Variants in PRKCA observed in about 807,000 individuals in gnomAD.
PRKCA encodes protein kinase C alpha type.
In PRKCA, 27 loss-of-function variants were observed where a neutral mutation model predicts 87.0. The observed-to-expected ratio is 0.31, with a 90% CI of 0.23 to 0.43. The LOEUF (loss-of-function observed/expected upper bound fraction) is 0.43. PRKCA is among the 20% of genes least tolerant of loss of function. The pLI, the probability that PRKCA is intolerant of heterozygous loss-of-function variation, is 1.00. For missense variants in PRKCA, 518 were observed against 852.3 expected (o/e 0.61, Z 4.88); for synonymous variants, 329 against 311.1 (o/e 1.06, Z -0.61).
At chr17:66,365,870 A>G (rs1356734839) in intron 2 of PRKCA, among the ~76,000 whole-genome samples, 2 of 152,208 alleles carry the variant, frequency 1.3e-5, no homozygotes, top group Admixed American at 6.5e-5. Flanking sequence ...CTTTGTTGTT[A>G]TGAATTGAGC....
At chr17:66,687,810 T>C (rs1972669862) in intron 6 of PRKCA, among the ~76,000 whole-genome samples, 1 of 152,004 alleles carries the variant, frequency 6.6e-6, no homozygotes, top group Admixed American at 6.6e-5. Flanking sequence ...AAGGAGGGAA[T>C]AAATAAATCA....
chr17:66,774,051 A>G lies in PRKCA; in HGVS notation c.1589A>G (p.Glu530Gly). Residue 530 changes from glutamate to glycine, a missense_variant, in exon 14 of 17, where the codon GAA (glutamate) becomes GGA (glycine). Coordinates refer to ENST00000413366, the MANE Select transcript of PRKCA (RefSeq NM_002737.3). ...TGGGCCTATGGCGTCCTGTTGTATG[A>G]AATGCTTGCCGGGCAGGTAATGTTT... The part of the protein sequence containing the change: ...DWWAYGVLLY[E>G]MLAGQPPFDG... 6.2e-7 allele frequency: 1 copy of G among 1,614,056 alleles called. No individual in the cohort carries two copies. Among genetic ancestry groups the G allele is most frequent in the Non-Finnish European group, 8.5e-7 (1 of 1,180,006 alleles).
chr17:66,475,007 G>A (rs181045088), intron 2 of PRKCA, among the ~76,000 whole-genome samples: 1 of 152,264 alleles, frequency 6.6e-6, no homozygotes, highest in Admixed American at 6.5e-5. Context: ...TGTTTCTGCA[G>A]GATTTCCATC....
chr17:66,545,595 G>A (rs1227693808), intron 3 of PRKCA, among the ~76,000 whole-genome samples: 4 of 152,064 alleles, frequency 2.6e-5, no homozygotes, highest in African/African-American at 7.2e-5. Flanking sequence ...CTAAAATATC[G>A]GGAGAATTAA....
At chr17:66,483,336 C>T (rs1037830902) in intron 2 of PRKCA, among the ~76,000 whole-genome samples, 10 of 152,126 alleles carry the variant, frequency 6.6e-5, no homozygotes, top group Admixed American at 5.2e-4. Context: ...GGTGGTTTCC[C>T]GGCAATCTTT....
rs558133905 is a variant in PRKCA at position 66,712,692 on chromosome 17, C to T, written c.919-19996C>T. ...ATTCCAAGAAGGCAGCAGGGTGTGG[C>T]GAGGAAGTGCCACACTGCCTGGGTT... On this transcript the variant is annotated intron_variant, in intron 8 of 16. Coordinates refer to ENST00000413366, the MANE Select transcript of PRKCA (RefSeq NM_002737.3). Among the ~76,000 whole-genome samples, 8 of 152,118 alleles carry T rather than the reference C, an allele frequency of 5.3e-5. No individual in the cohort carries two copies. In the South Asian group the frequency reaches 6.2e-4, roughly 12 times the overall value.
At chr17:66,319,313 A>C (rs1050784978) in intron 2 of PRKCA, among the ~76,000 whole-genome samples, 1 of 152,238 alleles carries the variant, frequency 6.6e-6, no homozygotes, top group African/African-American at 2.4e-5. Context: ...TATTTAAAGT[A>C]AACTCTGGAA....
At chr17:66,509,503 TCTTA>T (rs907775769) in intron 3 of PRKCA, among the ~76,000 whole-genome samples, 26 of 152,150 alleles carry the variant, frequency 1.7e-4, no homozygotes, top group African/African-American at 6.3e-4. Context: ...AAGAATCCTC[TCTTA>T]CTTGGAGGGA....
intron 8 of PRKCA, among the ~76,000 whole-genome samples, chr17:66,698,911 C>CA (rs1427264032): frequency 6.6e-6 from 1 of 150,816 alleles, no homozygotes; most frequent in African/African-American, 2.4e-5. Flanking sequence ...ACCTGGGAGG[C>CA]AGAGATTGCA....
intron 2 of PRKCA, among the ~76,000 whole-genome samples, chr17:66,478,062 G>A (rs1016465261): frequency 2.6e-5 from 4 of 152,096 alleles, no homozygotes; most frequent in African/African-American, 2.4e-5. Flanking sequence ...TGTGCTTTTC[G>A]CCAAAGATGA....
At chr17:66,508,837 A>G (rs1917089995) in intron 3 of PRKCA, among the ~76,000 whole-genome samples, 1 of 151,706 alleles carries the variant, frequency 6.6e-6, no homozygotes, top group African/African-American at 2.4e-5. Flanking sequence ...ACCCCGTGGT[A>G]CTCCAGTTGT....
At chr17:66,394,054 G>A (rs1474719956) in intron 2 of PRKCA, among the ~76,000 whole-genome samples, 2 of 152,032 alleles carry the variant, frequency 1.3e-5, no homozygotes, top group Admixed American at 1.3e-4. Flanking sequence ...CAGTCTGGGT[G>A]ACAGACTGAG....
At chr17:66,342,675 A>G (rs111893152) in intron 2 of PRKCA, among the ~76,000 whole-genome samples, 9 of 152,190 alleles carry the variant, frequency 5.9e-5, no homozygotes, top group African/African-American at 1.2e-4. Context: ...AAGAGAAGGT[A>G]TAAGCATGCT....
intron 2 of PRKCA, among the ~76,000 whole-genome samples, chr17:66,397,162 C>T (rs1439760174): frequency 1.3e-5 from 2 of 151,146 alleles, no homozygotes; most frequent in Non-Finnish European, 2.9e-5. Flanking sequence ...GACAGGGTTT[C>T]TCCATGTTGC....
chr17:66,392,924 T>C (rs1910447078), intron 2 of PRKCA, among the ~76,000 whole-genome samples: 1 of 152,118 alleles, frequency 6.6e-6, no homozygotes, highest in Admixed American at 6.6e-5. Flanking sequence ...GTGTTCGCTT[T>C]CCAACAGTCG....
intron 3 of PRKCA, among the ~76,000 whole-genome samples, chr17:66,550,142 C>G (rs1472504111): frequency 6.6e-6 from 1 of 152,112 alleles, no homozygotes; most frequent in Non-Finnish European, 1.5e-5. Context: ...GAGTTTTACT[C>G]TTTTTTCTCG....
At chr17:66,432,405 C>T (rs1222721516) in intron 2 of PRKCA, among the ~76,000 whole-genome samples, 1 of 152,170 alleles carries the variant, frequency 6.6e-6, no homozygotes, top group Non-Finnish European at 1.5e-5. Context: ...CCCCCAAGCA[C>T]ACTCTTCCTC....
At chr17:66,798,473 G>A (rs1191404894) in intron 16 of PRKCA, among the ~76,000 whole-genome samples, 115 of 49,542 alleles carry the variant, frequency 2.3e-3, no homozygotes, top group South Asian at 5.6e-3. Context: ...GGTGGTGGTG[G>A]TGGTGGTGGT....
intron 8 of PRKCA, among the ~76,000 whole-genome samples, chr17:66,730,290 C>T (rs1219564065): frequency 6.6e-6 from 1 of 152,152 alleles, no homozygotes; most frequent in Non-Finnish European, 1.5e-5. Context: ...GCCTAAGAGG[C>T]CACATGGGTT....
Sources: gnomAD v4.1 joint callset for allele counts (sites outside exome capture counted in the v4.1 genomes callset) on GRCh38, gnomAD v4.1.1 for gene constraint, MANE v1.5 for transcripts, NCBI Gene and HGNC (gene_info 2026-07-23, HGNC 2026-07-21) for gene names.